ARHGAP31: variants seen among roughly 807,000 people sequenced by gnomAD.
ARHGAP31 encodes the protein Rho GTPase activating protein 31.
Under a neutral mutation model 113.9 loss-of-function variants are expected in ARHGAP31, and 34 were observed. The ratio of observed to expected loss-of-function variants is 0.30; its 90% CI spans 0.23 to 0.40. The LOEUF is 0.40. Ranked by LOEUF, ARHGAP31 falls within the 10% of genes least tolerant of loss-of-function variation. ARHGAP31 has a pLI of 1.00. For missense variants in ARHGAP31, 1,548 were observed against 1,767.1 expected, an observed-to-expected ratio of 0.88 and a Z score of 2.22; for synonymous variants, 650 against 684.8, an observed-to-expected ratio of 0.95 and a Z score of 0.79.
Position 119,415,175 on chromosome 3 carries a change from A to G in ARHGAP31, c.3246A>G (p.Gly1082=), listed in dbSNP as rs527247614. 6.2e-7 allele frequency: 1 copy of G among 1,614,214 alleles called. No individual in the cohort carries two copies. Among genetic ancestry groups the G allele is most frequent in the South Asian group, 1.1e-5 (1 of 91,090 alleles). ...GCGTGCAGGACAGCACTTCGCCTGG[A>G]GAGCACCCCGCAAAGTTACAGCTAA... ...SPSVQDSTSP[G]EHPAKLQLKS... is the part of the protein sequence containing the mutation. The change falls in exon 12 of 12, where the codon GGA becomes GGG. Residue 1082 remains glycine (G), a synonymous_variant. Coordinates refer to ENST00000264245, the MANE Select transcript of ARHGAP31 (RefSeq NM_020754.4).
rs925819710 is a variant in ARHGAP31 at position 119,419,458 on chromosome 3, A to G, written c.*3194A>G. On this transcript the variant is annotated 3_prime_UTR_variant, in exon 12 of 12. Coordinates refer to ENST00000264245, the MANE Select transcript of ARHGAP31 (RefSeq NM_020754.4). ...AGTCAAAAGTCTAGACTCTGAGGAC[A>G]TTAAAAATGTAAATATCATCATCCT... 5.3e-5 allele frequency: 8 copies of G among 152,230 alleles called. No homozygotes were observed. Among genetic ancestry groups the G allele is most frequent in the South Asian group, 2.1e-4 (1 of 4,828 alleles). The allele number at this position is 152,230 out of a possible 1,614,324, so 9.4% of individuals were successfully genotyped here. A position where few individuals can be genotyped will look rare whatever the true frequency, so the allele number is the denominator to read the frequency against.
intron 3 of ARHGAP31, among the ~76,000 whole-genome samples, chr3:119,374,191 G>A (rs1255345360): frequency 6.6e-6 from 1 of 152,120 alleles, no homozygotes; most frequent in Admixed American, 6.6e-5. Context: ...TGGATCATGG[G>A]GGTTGATCCC....
intron 1 of ARHGAP31, among the ~76,000 whole-genome samples, chr3:119,324,457 G>A (rs915616842): frequency 2.6e-5 from 4 of 152,166 alleles, no homozygotes; most frequent in Admixed American, 6.5e-5. Flanking sequence ...ATTGTTGGTT[G>A]ATGTCCTCTC....
At chr3:119,381,016 G>C in intron 4 of ARHGAP31, 30 bp downstream of exon 4, 1 of 1,575,374 alleles carries the variant, frequency 6.3e-7, no homozygotes, top group South Asian at 1.1e-5. Context: ...GAAACGTGTG[G>C]CCTCTCAATG....
At chr3:119,405,884 A>G (rs2080656742) in intron 10 of ARHGAP31, among the ~76,000 whole-genome samples, 1 of 152,254 alleles carries the variant, frequency 6.6e-6, no homozygotes, top group African/African-American at 2.4e-5. Flanking sequence ...TGTTCTGAGG[A>G]ACTTACCCAA....
rs573852192 is a variant in ARHGAP31, at chr3:119,329,259, C to T, written c.100+34255C>T. On this transcript the variant is annotated intron_variant, in intron 1 of 11. Coordinates refer to ENST00000264245, the MANE Select transcript of ARHGAP31 (RefSeq NM_020754.4). ...TGGCCACCAAGTTTATCTTTCTTCA[C>T]GGTTTAGTCTCTTGAGCCACATATC... 4.6e-5 allele frequency among the ~76,000 whole-genome samples: 7 copies of T among 152,308 alleles called. No individual in the cohort carries two copies. The East Asian group carries it at 5.8e-4, about 13-fold the overall frequency.
chr3:119,357,890 T>A lies in ARHGAP31; in HGVS notation c.101-7426T>A, dbSNP rs569878511. 6.6e-5 allele frequency among the ~76,000 whole-genome samples: 10 copies of A among 152,386 alleles called. No homozygotes were observed. In the South Asian group the frequency reaches 1.9e-3, roughly 28 times the overall value. Reference sequence around the variant, plus strand: ...GCATTACTTATAACATCACTCTTTATGCATGTGCATAATGATGAACCATTA... The same window carrying A: ...GCATTACTTATAACATCACTCTTTAAGCATGTGCATAATGATGAACCATTA... On this transcript the variant is annotated intron_variant, in intron 1 of 11. Transcript: ENST00000264245.
At chr3:119,303,996 A>C (rs2079608796) in intron 1 of ARHGAP31, among the ~76,000 whole-genome samples, 1 of 151,938 alleles carries the variant, frequency 6.6e-6, no homozygotes, top group African/African-American at 2.4e-5. Context: ...CGGTTTCACT[A>C]TGTTAGCCAG....
intron 1 of ARHGAP31, among the ~76,000 whole-genome samples, chr3:119,359,636 G>A (rs74680654): frequency 0.032 from 4,826 of 152,162 alleles, 119 homozygotes; most frequent in East Asian, 0.11. Flanking sequence ...CCTCGCAGAG[G>A]CCAGGGAGGA....
chr3:119,335,898 A>G (rs1046987538), intron 1 of ARHGAP31, among the ~76,000 whole-genome samples: 1 of 152,158 alleles, frequency 6.6e-6, no homozygotes, highest in Non-Finnish European at 1.5e-5. Flanking sequence ...TCTGGCCAGG[A>G]GCGGTAGCTC....
intron 1 of ARHGAP31, among the ~76,000 whole-genome samples, chr3:119,311,550 A>G (rs1310920884): frequency 6.6e-5 from 10 of 152,172 alleles, no homozygotes; most frequent in Non-Finnish European, 2.9e-5. Context: ...AAGGATGTGG[A>G]CCTCTTTGGG....
intron 3 of ARHGAP31, among the ~76,000 whole-genome samples, chr3:119,378,999 A>G (rs760994351): frequency 7.9e-5 from 12 of 152,222 alleles, no homozygotes; most frequent in Non-Finnish European, 1.5e-4. Flanking sequence ...CTTCTGCTTC[A>G]AATGCGAGAC....
At chr3:119,413,433 T>C (rs1186377980) in intron 11 of ARHGAP31, among the ~76,000 whole-genome samples, 4 of 152,336 alleles carry the variant, frequency 2.6e-5, no homozygotes, top group South Asian at 2.1e-4. Flanking sequence ...CTTGTGTGCC[T>C]TCTAATGAAC....
intron 10 of ARHGAP31, among the ~76,000 whole-genome samples, chr3:119,403,582 T>C (rs1331883981): frequency 6.6e-6 from 1 of 152,122 alleles, no homozygotes; most frequent in Non-Finnish European, 1.5e-5. Flanking sequence ...CCTCAGGATT[T>C]TTGGAATTAG....
chr3:119,362,656 T>C (rs2080218806), intron 1 of ARHGAP31, among the ~76,000 whole-genome samples: 1 of 151,726 alleles, frequency 6.6e-6, no homozygotes, highest in African/African-American at 2.4e-5. Flanking sequence ...TAATCCCTTC[T>C]ACTCGGGAGG....
chr3:119,378,993 T>G (rs1442870475), intron 3 of ARHGAP31, among the ~76,000 whole-genome samples: 4 of 152,226 alleles, frequency 2.6e-5, no homozygotes, highest in Non-Finnish European at 5.9e-5. Flanking sequence ...TCCCCACTTC[T>G]GCTTCAAATG....
chr3:119,411,954 AAC>A, intron 11 of ARHGAP31, among the ~76,000 whole-genome samples: 1 of 151,664 alleles, frequency 6.6e-6, no homozygotes, highest in Non-Finnish European at 1.5e-5. Flanking sequence ...TGTAATATGA[AAC>A]AACAAGTGAT....
At chr3:119,368,957 G>C (rs2080273207) in intron 3 of ARHGAP31, among the ~76,000 whole-genome samples, 1 of 152,140 alleles carries the variant, frequency 6.6e-6, no homozygotes, top group Non-Finnish European at 1.5e-5. Context: ...TGGGTAGAGA[G>C]GGGAGAGGGA....
chr3:119,383,079 G>A lies in ARHGAP31; in HGVS notation c.540-5G>A, dbSNP rs1183202197. On this transcript the variant is annotated splice_region_variant and splice_polypyrimidine_tract_variant and intron_variant, in intron 5 of 11. Transcript: ENST00000264245. Reference sequence around the variant, plus strand: ...CTAACTGAATATGTTTCTTCCACACGGTAGGTCTAAAGAAATTGAAGCCAC... The same window carrying A: ...CTAACTGAATATGTTTCTTCCACACAGTAGGTCTAAAGAAATTGAAGCCAC... The A allele has an allele frequency of 7.4e-6, 12 of 1,614,068 alleles. No individual in the cohort carries two copies. The highest frequency in any genetic ancestry group is 3.3e-5 in the South Asian group (3 of 91,062).
Sources: allele counts gnomAD v4.1 joint callset (sites outside exome capture counted in the v4.1 genomes callset), GRCh38; gene constraint gnomAD v4.1.1; transcripts MANE v1.5; gene names NCBI Gene and HGNC (gene_info 2026-07-23, HGNC 2026-07-21).